The following PLIN5 variants were observed in gnomAD, a reference collection of about 807,000 sequenced individuals.
PLIN5 encodes the protein perilipin 5.
Under a neutral mutation model 32.8 loss-of-function variants are expected in PLIN5, and 34 were observed. That is an observed-to-expected ratio of 1.04 (90% CI 0.79 to 1.38). The LOEUF (loss-of-function observed/expected upper bound fraction) is 1.38. Among genes scored for constraint, PLIN5 ranks in the 40% most tolerant of loss-of-function variants. PLIN5 has a pLI of 0.00. For synonymous variants in PLIN5, 309 were observed against 292.9 expected, an observed-to-expected ratio of 1.05 and a Z score of -0.56; for missense variants, 712 against 660.5, an observed-to-expected ratio of 1.08 and a Z score of -0.85.
chr19:4,534,878 G>A (rs1483035357), intron 1 of PLIN5, among the ~76,000 whole-genome samples: 6 of 152,204 alleles, frequency 3.9e-5, no homozygotes, highest in Non-Finnish European at 8.8e-5. Context: ...GCAGGTCCAT[G>A]CTGGTCCCAA....
chr19:4,529,630 C>CATATATGTAT, intron 4 of PLIN5, 154 bp downstream of exon 4: 1 of 556,886 alleles, frequency 1.8e-6, no homozygotes, highest in Non-Finnish European at 3.2e-6. Flanking sequence ...CACACACACA[C>CATATATGTAT]ACACACACAC....
intron 1 of PLIN5, among the ~76,000 whole-genome samples, chr19:4,534,532 G>C (rs1394502005): frequency 6.6e-6 from 1 of 152,186 alleles, no homozygotes; most frequent in East Asian, 1.9e-4. Context: ...CACCATGCTC[G>C]GCTAATTTTT....
intron 4 of PLIN5, 72 bp downstream of exon 4, chr19:4,529,712 T>TACCAACCAACCAACC: frequency 3.6e-6 from 4 of 1,118,818 alleles, no homozygotes; most frequent in Non-Finnish European, 4.0e-6. Flanking sequence ...GTTGTCACCA[T>TACCAACCAACCAACC]CCCTCCCTCC....
At chr19:4,524,210 C>T in intron 7 of PLIN5, 125 bp from the exon 8 acceptor site, 1 of 945,942 alleles carries the variant, frequency 1.1e-6, no homozygotes, top group Non-Finnish European at 1.4e-6. Flanking sequence ...TAGTCCTGTC[C>T]CCTGTAGACA....
rs1042555026 is a variant in PLIN5, at chr19:4,525,952, G to A, written c.521-120C>T. ...AGCACGGGGACAGGATACGGGGACA[G>A]CACGGGGACAGCATGGGGTCAGCAC... On this transcript the variant is annotated intron_variant, in intron 5 of 7. Coordinates refer to ENST00000381848, the MANE Select transcript of PLIN5 (RefSeq NM_001013706.3). The surrounding 1 kb of genome is among the most constrained non-coding windows in gnomAD (Gnocchi z 5.6). The A allele has an allele frequency of 1.6e-5, 11 of 683,274 alleles. No homozygotes were observed. Among genetic ancestry groups the A allele is most frequent in the Non-Finnish European group, 2.6e-5 (11 of 424,752 alleles). The allele number at this position is 683,274 out of a possible 1,614,324, so 42.3% of individuals were successfully genotyped here.
At chr19:4,526,715 G>T (rs1976807767) in intron 5 of PLIN5, among the ~76,000 whole-genome samples, 1 of 152,008 alleles carries the variant, frequency 6.6e-6, no homozygotes, top group Middle Eastern at 3.2e-3. Context: ...AGCCAGGGCT[G>T]GGCACAGTGG....
rs375555243 is a variant in PLIN5 at position 4,529,159 on chromosome 19, C to A, written c.434G>T (p.Arg145Leu). 2.5e-6 allele frequency: 4 copies of A among 1,613,308 alleles called. No individual in the cohort carries two copies. The highest frequency in any genetic ancestry group is 2.2e-5 in the South Asian group (2 of 91,060). The change falls in exon 5 of 8, where the codon CGC becomes CTC. Residue 145 changes from arginine to leucine, a missense_variant. Physicochemically the swap from Arg to Leu is moderately radical, Grantham distance 102 (BLOSUM62 -2). Coordinates refer to ENST00000381848, the MANE Select transcript of PLIN5 (RefSeq NM_001013706.3). ...AACATCCACAGCATGGCTCACGGAG[C>A]GCTTCAGCTCCACGCTCCAGCGCCG... The part of the protein sequence containing the change: ...RGRRWSVELK[R>L]SVSHAVDVVL...
intron 1 of PLIN5, 94 bp downstream of exon 1, chr19:4,535,071 C>A: frequency 6.6e-6 from 1 of 152,640 alleles, no homozygotes. Flanking sequence ...TCATACCCGT[C>A]CCACGCCGCC....
intron 3 of PLIN5, among the ~76,000 whole-genome samples, chr19:4,530,839 A>G (rs958295010): frequency 6.6e-6 from 1 of 151,452 alleles, no homozygotes; most frequent in Non-Finnish European, 1.5e-5. Context: ...CGCCTGGATA[A>G]TTTTTTGTAT....
At chr19:4,528,991 G>C in intron 5 of PLIN5, 82 bp downstream of exon 5, 1 of 1,438,870 alleles carries the variant, frequency 6.9e-7, no homozygotes, top group Non-Finnish European at 9.4e-7. Flanking sequence ...CCTTGGGTGA[G>C]TCTCAGACCT....
intron 2 of PLIN5, chr19:4,533,733 A>T: frequency 1.9e-6 from 1 of 523,672 alleles, no homozygotes. Flanking sequence ...ACGTGGAGAC[A>T]GAAGGATACA....
Position 4,523,655 on chromosome 19 carries a change from T to A in PLIN5, c.1265A>T (p.Glu422Val). The A allele has an allele frequency of 6.2e-7, 1 of 1,610,660 alleles. No individual in the cohort carries two copies. The highest frequency in any genetic ancestry group is 8.5e-7 in the Non-Finnish European group (1 of 1,179,764). ...WPAQQRAWEA[E>V]HRDGSGNGDG... is the part of the protein sequence containing the mutation. ...CCCATTCCCACTCCCGTCCCTGTGCTCTGCCTCCCAGGCTCTCTGCTGGGC... is the reference window on the plus strand; with the variant it reads ...CCCATTCCCACTCCCGTCCCTGTGCACTGCCTCCCAGGCTCTCTGCTGGGC... Residue 422 changes from glutamate (E) to valine (V), a missense_variant, in exon 8 of 8, where the codon GAG becomes GTG. By Grantham distance (121) the Glu-to-Val change is moderately radical. Transcript: ENST00000381848. This position sits in a 1 kb window ranked among gnomAD's most constrained non-coding sequence, Gnocchi z 5.0.
chr19:4,530,176 C>T (rs1976866333), intron 3 of PLIN5, among the ~76,000 whole-genome samples: 1 of 152,158 alleles, frequency 6.6e-6, no homozygotes, highest in Non-Finnish European at 1.5e-5. Flanking sequence ...GGGGACCTGG[C>T]TGCCTCCCTA....
At position 4,523,884 on chromosome 19, in the gene PLIN5, C is replaced by T. The variant is rs528411256; in HGVS notation, c.1036G>A (p.Glu346Lys). 1.4e-4 allele frequency: 214 copies of T among 1,510,458 alleles called. 2 individuals are homozygous for T. The Admixed American group carries it at 1.6e-3, about 11-fold the overall frequency. 93.6% of individuals were successfully genotyped at this position (1,510,458 alleles called of 1,614,324 possible). The change falls in exon 8 of 8, where the codon GAG becomes AAG. Residue 346 changes from glutamate (E) to lysine (K), a missense_variant. By Grantham distance (56) the Glu-to-Lys change is moderately conservative (BLOSUM62 1). Coordinates refer to ENST00000381848, the MANE Select transcript of PLIN5 (RefSeq NM_001013706.3). The surrounding 1 kb of genome is among the most constrained non-coding windows in gnomAD (Gnocchi z 5.0). ...FRDVPAAALA[E>K]GRGRVAHAHA... ...GCGTGGGCCACGCGACCCCGGCCCT[C>T]GGCCAGCGCGGCCGCTGGCACGTCC...
chr19:4,525,119 G>C lies in PLIN5; in HGVS notation c.721-43C>G. The C allele has an allele frequency of 8.8e-7, 1 of 1,138,238 alleles. No individual in the cohort carries two copies. Among genetic ancestry groups the C allele is most frequent in the Non-Finnish European group, 1.2e-6 (1 of 844,156 alleles). 70.5% of individuals were successfully genotyped at this position (1,138,238 alleles called of 1,614,324 possible). A position where few individuals can be genotyped will look rare whatever the true frequency, so the allele number is the denominator to read the frequency against. On this transcript the variant is annotated intron_variant, in intron 6 of 7. Transcript: ENST00000381848. The surrounding 1 kb of genome is among the most constrained non-coding windows in gnomAD (Gnocchi z 5.6). ...GTGGTCTTCAGAGCTGGGGGAGCTG[G>C]GGGAGCTGGGGGTCGGGGTGGGGTC... is the stretch of plus-strand genomic sequence containing the variant.
Position 4,523,602 on chromosome 19 carries a change from C to T in PLIN5, c.1318G>A (p.Asp440Asn). 2 of 1,607,134 alleles carry T rather than the reference C, an allele frequency of 1.2e-6. No individual in the cohort carries two copies. Among genetic ancestry groups the T allele is most frequent in the South Asian group, 1.1e-5 (1 of 89,670 alleles). The change falls in exon 8 of 8, where the codon GAC (aspartate) becomes AAC (asparagine). Residue 440 changes from aspartate to asparagine, a missense_variant. By Grantham distance (23) the Asp-to-Asn change is conservative. Transcript: ENST00000381848. This position sits in a 1 kb window ranked among gnomAD's most constrained non-coding sequence, Gnocchi z 5.0. The stretch of plus-strand genomic sequence containing the variant: ...GTCTCGGGTTCCTGCTCGCAGATGT[C>T]CCCGGCAACACCCATCCTGTCCCCA... ...GDGDRMGVAGDICEQEPETPS... is the reference protein window; with the variant it reads ...GDGDRMGVAGNICEQEPETPS...
intron 2 of PLIN5, chr19:4,532,265 C>G (rs1402034882): frequency 6.5e-6 from 1 of 154,674 alleles, no homozygotes; most frequent in East Asian, 1.9e-4. Flanking sequence ...GATCTCGGCT[C>G]AGCGCAACCT....
At chr19:4,524,869 G>A (rs982940348) in intron 7 of PLIN5, 94 bp downstream of exon 7, 33 of 1,069,218 alleles carry the variant, frequency 3.1e-5, no homozygotes, top group Admixed American at 9.8e-5. Context: ...TTGGGTCCCC[G>A]GCAGTACTGG....
At chr19:4,531,138 T>C (rs1222443912) in intron 3 of PLIN5, among the ~76,000 whole-genome samples, 2 of 151,976 alleles carry the variant, frequency 1.3e-5, no homozygotes, top group East Asian at 1.9e-4. Flanking sequence ...GTAGCTAGGA[T>C]TACAGTTATG....
Sources: gnomAD v4.1 joint callset for allele counts (sites outside exome capture counted in the v4.1 genomes callset) on GRCh38, gnomAD v4.1.1 for gene constraint, Gnocchi (gnomAD v3.1) non-coding constraint, MANE v1.5 for transcripts, NCBI Gene and HGNC (gene_info 2026-07-23, HGNC 2026-07-21) for gene names.